The following DNAH11 variants were observed in gnomAD, a reference collection of about 807,000 sequenced individuals.
DNAH11 encodes axonemal beta dynein heavy chain 11.
A neutral mutation model predicts 526.0 loss-of-function variants in DNAH11; 442 were observed. That is an observed-to-expected ratio of 0.84 (90% CI 0.78 to 0.91). DNAH11 has a LOEUF of 0.91. Among genes scored for constraint, DNAH11 ranks in the 40% least tolerant of loss-of-function variants. The probability of loss-of-function intolerance (pLI) is 0.00; values close to 1 mark genes in which losing one functional copy is unlikely to be tolerated. For synonymous variants in DNAH11, 2,461 were observed against 1,935.9 expected (o/e 1.27, Z -7.12); for missense variants, 6,989 against 5,448.7 (o/e 1.28, Z -8.90).
intron 34 of DNAH11, among the ~76,000 whole-genome samples, chr7:21,690,379 T>A (rs1783564504): frequency 6.6e-6 from 1 of 152,140 alleles, no homozygotes. Context: ...GACGTCCCTT[T>A]CTCCTCTTAG....
chr7:21,769,496 T>C (rs1787330963), intron 55 of DNAH11, among the ~76,000 whole-genome samples: 1 of 151,962 alleles, frequency 6.6e-6, no homozygotes, highest in Non-Finnish European at 1.5e-5. Context: ...TTTTTTTTTC[T>C]TTTTTTGAGA....
chr7:21,585,331 T>C (rs1013806431), intron 9 of DNAH11, among the ~76,000 whole-genome samples: 3 of 152,074 alleles, frequency 2.0e-5, no homozygotes, highest in Admixed American at 6.6e-5. Flanking sequence ...GCAAGTGTAA[T>C]GGCAGAGGAA....
chr7:21,785,167 A>G (rs1202936281), intron 58 of DNAH11, among the ~76,000 whole-genome samples: 1 of 152,156 alleles, frequency 6.6e-6, no homozygotes, highest in Non-Finnish European at 1.5e-5. Flanking sequence ...CTCTGGGGAG[A>G]GCTCAGGAAA....
At chr7:21,723,834 C>T (rs1237823376) in intron 44 of DNAH11, among the ~76,000 whole-genome samples, 2 of 151,624 alleles carry the variant, frequency 1.3e-5, no homozygotes, top group African/African-American at 4.8e-5. Flanking sequence ...TGGACTCTTC[C>T]TTAAACGGCA....
chr7:21,683,925 A>C lies in DNAH11; in HGVS notation c.5602A>C (p.Ile1868Leu). 6.2e-7 allele frequency: 1 copy of C among 1,613,526 alleles called. No homozygotes were observed. Among genetic ancestry groups the C allele is most frequent in the Non-Finnish European group, 8.5e-7 (1 of 1,179,596 alleles). Residue 1868 changes from isoleucine to leucine, a missense_variant, in exon 32 of 82, where the codon ATC becomes CTC. Ile to Leu is a conservative substitution (Grantham distance 5). Coordinates refer to ENST00000409508, the MANE Select transcript of DNAH11 (RefSeq NM_001277115.2). ...CTTAGGAAACAGCCCTCGACTAGTG[A>C]TCACTCCTCTAACTGACAGGTAACA... ...EYLGNSPRLVITPLTDRCYIT... is the reference protein window; with the variant it reads ...EYLGNSPRLVLTPLTDRCYIT...
At chr7:21,652,106 A>G (rs10268014) in intron 28 of DNAH11, among the ~76,000 whole-genome samples, 14,653 of 152,278 alleles carry the variant, frequency 0.096, 990 homozygotes, top group African/African-American at 0.19. Flanking sequence ...GAGTCACAGA[A>G]GAGAGAGCTG....
intron 2 of DNAH11, among the ~76,000 whole-genome samples, chr7:21,553,434 C>A (rs1562655688): frequency 6.6e-6 from 1 of 152,068 alleles, no homozygotes; most frequent in East Asian, 1.9e-4. Context: ...GAGTTCTGTA[C>A]CCCTTGGTTG....
At chr7:21,837,650 CT>C (rs1425543725) in intron 65 of DNAH11, among the ~76,000 whole-genome samples, 1 of 151,940 alleles carries the variant, frequency 6.6e-6, no homozygotes, top group South Asian at 2.1e-4. Flanking sequence ...ATCATCGTTA[CT>C]TTTTTTTGGT....
In DNAH11 at chr7:21,739,980, C is replaced by T. The variant is rs892822633; in HGVS notation, c.7914+307C>T. On this transcript the variant is annotated intron_variant, in intron 48 of 81. Transcript: ENST00000409508. ...TCTTGCATTAGTTACAATGATCAGC[C>T]AATATTGACACATTATTATTAACTA... 4.6e-5 allele frequency among the ~76,000 whole-genome samples: 7 copies of T among 152,074 alleles called. 1 individual carries two copies. The highest frequency in any genetic ancestry group is 1.7e-4 in the African/African-American group (7 of 41,400).
At position 21,698,355 on chromosome 7, in the gene DNAH11, G is replaced by C. The variant is rs56376598; in HGVS notation, c.6180+142G>C. ...CTTAAAAAAATTCAATAGTTTGGGG[G>C]AACAGGTGTTTTTTGGTTACATGGA... On this transcript the variant is annotated intron_variant, in intron 36 of 81. Coordinates refer to ENST00000409508, the MANE Select transcript of DNAH11 (RefSeq NM_001277115.2). The C allele has an allele frequency of 0.11, 133,476 of 1,200,266 alleles. 8,542 individuals carry two copies. The highest frequency in any genetic ancestry group is 0.21 in the African/African-American group (13,628 of 63,860). 74.4% of individuals were successfully genotyped at this position (1,200,266 alleles called of 1,614,324 possible). A position where few individuals can be genotyped will look rare whatever the true frequency, so the allele number is the denominator to read the frequency against.
At chr7:21,682,927 A>T (rs1783203722) in intron 31 of DNAH11, among the ~76,000 whole-genome samples, 1 of 152,182 alleles carries the variant, frequency 6.6e-6, no homozygotes, top group African/African-American at 2.4e-5. Flanking sequence ...TCCTTGCAAA[A>T]CATCGCTTAC....
At chr7:21,613,899 C>A (rs1159555931) in intron 20 of DNAH11, among the ~76,000 whole-genome samples, 3 of 151,644 alleles carry the variant, frequency 2.0e-5, no homozygotes, top group African/African-American at 7.3e-5. Flanking sequence ...TCCCGAGTAA[C>A]TGGGACTATA....
At chr7:21,891,719 G>A (rs1007012363) in intron 76 of DNAH11, among the ~76,000 whole-genome samples, 1 of 152,134 alleles carries the variant, frequency 6.6e-6, no homozygotes, top group Non-Finnish European at 1.5e-5. Flanking sequence ...CTTTCACTCA[G>A]TAGGTAACTG....
In DNAH11 at chr7:21,600,006, A is replaced by T. The variant is rs185803317; in HGVS notation, c.2887A>T (p.Arg963Ter). 2 of 1,613,226 alleles carry T rather than the reference A, an allele frequency of 1.2e-6. No homozygotes were observed. Among genetic ancestry groups the T allele is most frequent in the South Asian group, 2.2e-5 (2 of 90,924 alleles). Residue 963 changes from arginine to a stop codon, truncating the protein, a stop_gained, in exon 15 of 82, where the codon AGA (arginine) becomes TGA (stop). Coordinates refer to ENST00000409508, the MANE Select transcript of DNAH11 (RefSeq NM_001277115.2). LOFTEE classifies it high-confidence loss of function. ...PEIVFKPSLD[R>*]EAGDGFYDLV... is the part of the protein sequence containing the mutation. ...GATTGTGTTTAAACCTTCCCTAGAC[A>T]GAGAGGCTGGGGATGGCTTCTATGA... is the stretch of plus-strand genomic sequence containing the variant.
chr7:21,753,482 T>C (rs1786499891), intron 54 of DNAH11, among the ~76,000 whole-genome samples: 1 of 152,234 alleles, frequency 6.6e-6, no homozygotes, highest in Non-Finnish European at 1.5e-5. Context: ...TTTAAAACTT[T>C]TCTACCTCTG....
chr7:21,601,527 C>T lies in DNAH11; in HGVS notation c.3557C>T (p.Thr1186Ile), dbSNP rs757753783. 1.4e-5 allele frequency: 22 copies of T among 1,613,494 alleles called. No individual in the cohort carries two copies. The highest frequency in any genetic ancestry group is 1.8e-5 in the Non-Finnish European group (21 of 1,179,738). Residue 1186 changes from threonine (T) to isoleucine (I), a missense_variant, in exon 18 of 82, where the codon ACT (threonine) becomes ATT (isoleucine). Transcript: ENST00000409508. ...LLAVRSRQRA[T>I]DELFEPLKET... ...GCTGTAAGAAGCCGACAGAGAGCTA[C>T]TGATGAACTCTTTGAACCTCTAAAA...
intron 28 of DNAH11, among the ~76,000 whole-genome samples, chr7:21,644,344 G>C (rs1010149043): frequency 1.3e-5 from 2 of 152,142 alleles, no homozygotes; most frequent in South Asian, 2.1e-4. Flanking sequence ...AATTTTAAGA[G>C]GATGGAGCTC....
chr7:21,638,434 C>G (rs915479961), intron 27 of DNAH11, among the ~76,000 whole-genome samples: 8 of 152,080 alleles, frequency 5.3e-5, no homozygotes, highest in African/African-American at 1.7e-4. Flanking sequence ...TTCTGCTCTG[C>G]TAAGGGCAAT....
chr7:21,700,439 C>T (rs1370334055), intron 36 of DNAH11, among the ~76,000 whole-genome samples: 3 of 152,164 alleles, frequency 2.0e-5, no homozygotes, highest in African/African-American at 7.2e-5. Flanking sequence ...TAGCTATTTG[C>T]ATTGTTTAAA....
Sources: gnomAD v4.1 joint callset for allele counts (sites outside exome capture counted in the v4.1 genomes callset) on GRCh38, gnomAD v4.1.1 for gene constraint, MANE v1.5 for transcripts, NCBI Gene and HGNC (gene_info 2026-07-23, HGNC 2026-07-21) for gene names.